AGO2: variants seen among roughly 807,000 people sequenced by gnomAD.
The protein encoded by AGO2 is protein argonaute-2.
Under a neutral mutation model 102.3 loss-of-function variants are expected in AGO2, and 5 were observed. The ratio of observed to expected loss-of-function variants is 0.05; its 90% confidence interval spans 0.03 to 0.10. The LOEUF (loss-of-function observed/expected upper bound fraction) is 0.10. Among genes scored for constraint, AGO2 ranks in the 10% least tolerant of loss-of-function variants. The pLI is 1.00. For synonymous variants in AGO2, 449 were observed against 473.1 expected, an observed-to-expected ratio of 0.95 and a Z score of 0.66; for missense variants, 541 against 1,183.7, an observed-to-expected ratio of 0.46 and a Z score of 7.97.
At chr8:140,635,022 G>A (rs112319981) in intron 1 of AGO2, among the ~76,000 whole-genome samples, 8 of 150,126 alleles carry the variant, frequency 5.3e-5, no homozygotes, top group African/African-American at 1.9e-4. Context: ...GCCTCCACCC[G>A]CTCAGGCGCT....
chr8:140,595,840 T>C lies in AGO2; in HGVS notation c.23-10529A>G, dbSNP rs1163120153. ...ATTATATTTATATTATATACAATTG[T>C]ATATATTATATTTATATTATATACA... On this transcript the variant is annotated intron_variant, in intron 1 of 18. Coordinates refer to ENST00000220592, the MANE Select transcript of AGO2 (RefSeq NM_012154.5). 9.0e-5 allele frequency among the ~76,000 whole-genome samples: 6 copies of C among 66,964 alleles called. No individual in the cohort carries two copies. In the East Asian group the frequency reaches 9.4e-4, roughly 11 times the overall value. The allele number at this position is 66,964 out of a possible 152,430, so 43.9% of individuals were successfully genotyped here. A position where few individuals can be genotyped will look rare whatever the true frequency, so the allele number is the denominator to read the frequency against.
chr8:140,598,961 C>G (rs55762429), intron 1 of AGO2, among the ~76,000 whole-genome samples: 59,364 of 151,998 alleles, frequency 0.39, 13,056 homozygotes, highest in Non-Finnish European at 0.5. Context: ...ACAACAGAGG[C>G]CACTTTCTCC....
At chr8:140,606,213 A>G (rs533005482) in intron 1 of AGO2, among the ~76,000 whole-genome samples, 1 of 152,326 alleles carries the variant, frequency 6.6e-6, no homozygotes, top group African/African-American at 2.4e-5. Flanking sequence ...GAAACCAAGT[A>G]GGTTCTGATG....
At position 140,597,474 on chromosome 8, in the gene AGO2, A is replaced by AC. The variant is rs1163320106; in HGVS notation, c.23-12164dup. Among the ~76,000 whole-genome samples the AC allele has an allele frequency of 4.9e-3, 222 of 45,182 alleles. 2 individuals are homozygous for AC. The highest frequency in any genetic ancestry group is 0.025 in the East Asian group (46 of 1,814). 29.6% of individuals were successfully genotyped at this position (45,182 alleles called of 152,430 possible). On this transcript the variant is annotated intron_variant, in intron 1 of 18. Transcript: ENST00000220592. ...CCGATGGGGGCTGGGTGGCCCCCCC[A>AC]CCCCCCCCCCCCCGCCCCAGGCCTC...
chr8:140,573,181 T>G (rs1210118329), intron 2 of AGO2, among the ~76,000 whole-genome samples: 1 of 151,946 alleles, frequency 6.6e-6, no homozygotes, highest in Non-Finnish European at 1.5e-5. Flanking sequence ...TTTTTCTTTT[T>G]TTTTTGAGAC....
In AGO2 at chr8:140,534,868, G is replaced by A. The variant is rs10098133; in HGVS notation, c.2271+600C>T. ...GGGAGGGGCAGCTCCTACCACGGACGTGGTGCTCCTGCTCCTGTCAGTGCT... is the reference window on the plus strand; with the variant it reads ...GGGAGGGGCAGCTCCTACCACGGACATGGTGCTCCTGCTCCTGTCAGTGCT... On this transcript the variant is annotated intron_variant, in intron 17 of 18. Transcript: ENST00000220592. 5.7e-3 allele frequency among the ~76,000 whole-genome samples: 868 copies of A among 152,314 alleles called. 11 individuals carry two copies. The highest frequency in any genetic ancestry group is 0.019 in the African/African-American group (810 of 41,578).
intron 16 of AGO2, among the ~76,000 whole-genome samples, chr8:140,536,629 T>C (rs1378777458): frequency 6.6e-6 from 1 of 152,222 alleles, no homozygotes; most frequent in East Asian, 1.9e-4. Context: ...CCGGCCCTAA[T>C]ATCTCTTTTC....
chr8:140,627,659 A>C (rs966321551), intron 1 of AGO2, among the ~76,000 whole-genome samples: 1 of 152,184 alleles, frequency 6.6e-6, no homozygotes. Flanking sequence ...TTTGGGATAT[A>C]GGTCCTTAAA....
At chr8:140,552,102 G>A (rs1244794642) in intron 10 of AGO2, among the ~76,000 whole-genome samples, 1 of 152,194 alleles carries the variant, frequency 6.6e-6, no homozygotes, top group Non-Finnish European at 1.5e-5. Flanking sequence ...TACAGGCCTT[G>A]CCATGCTACA....
At chr8:140,556,627 G>A (rs1172635226) in intron 8 of AGO2, among the ~76,000 whole-genome samples, 4 of 152,156 alleles carry the variant, frequency 2.6e-5, no homozygotes, top group South Asian at 4.1e-4. Flanking sequence ...CTGCAGGTGC[G>A]AAAGACGTCT....
chr8:140,532,324 G>C, intron 18 of AGO2, 92 bp downstream of exon 18: 9 of 1,481,140 alleles, frequency 6.1e-6, no homozygotes, highest in Non-Finnish European at 8.2e-6. Context: ...CAGCCGCTGG[G>C]GCCCTGCCCC....
intron 1 of AGO2, among the ~76,000 whole-genome samples, chr8:140,632,162 T>G (rs1364711930): frequency 6.6e-6 from 1 of 152,240 alleles, no homozygotes; most frequent in Admixed American, 6.5e-5. Flanking sequence ...TAATTCTGCT[T>G]CTTCAAATTG....
At position 140,525,616 on chromosome 8, in the gene AGO2, T is replaced by C. The variant is rs1413455628; in HGVS notation, c.*6428A>G. 6.6e-6 allele frequency: 1 copy of C among 152,156 alleles called. No individual in the cohort carries two copies. The highest frequency in any genetic ancestry group is 1.9e-4 in the East Asian group (1 of 5,188). 9.4% of individuals were successfully genotyped at this position (152,156 alleles called of 1,614,324 possible). A position where few individuals can be genotyped will look rare whatever the true frequency, so the allele number is the denominator to read the frequency against. ...AGGCAATTGCTTCCAGGTAGTGACG[T>C]AGTAGAACCGCCGGGGCCAAACTCA... On this transcript the variant is annotated 3_prime_UTR_variant, in exon 19 of 19. Coordinates refer to ENST00000220592, the MANE Select transcript of AGO2 (RefSeq NM_012154.5).
At chr8:140,603,618 C>T (rs1445699503) in intron 1 of AGO2, among the ~76,000 whole-genome samples, 1 of 152,218 alleles carries the variant, frequency 6.6e-6, no homozygotes, top group Non-Finnish European at 1.5e-5. Context: ...AGAGGTGGAG[C>T]CACGCACGTG....
At chr8:140,621,242 C>T (rs555743351) in intron 1 of AGO2, among the ~76,000 whole-genome samples, 1 of 152,328 alleles carries the variant, frequency 6.6e-6, no homozygotes, top group Non-Finnish European at 1.5e-5. Flanking sequence ...ATGATGATGG[C>T]CGTTCCCTGG....
chr8:140,542,391 G>C (rs187164286), intron 14 of AGO2, among the ~76,000 whole-genome samples: 1 of 152,050 alleles, frequency 6.6e-6, no homozygotes, highest in South Asian at 2.1e-4. Context: ...ACTATTCCAC[G>C]TCCTTTGTCC....
intron 1 of AGO2, among the ~76,000 whole-genome samples, chr8:140,609,073 G>C (rs927530913): frequency 1.3e-5 from 2 of 152,234 alleles, no homozygotes; most frequent in Non-Finnish European, 2.9e-5. Flanking sequence ...TGTGCCAGGG[G>C]CCTCAGCGGG....
rs546546545 is a variant in AGO2, at chr8:140,544,079, C to T, written c.1839+134G>A. 33 of 951,868 alleles carry T rather than the reference C, an allele frequency of 3.5e-5. No homozygotes were observed. The East Asian group carries it at 4.3e-4, about 12-fold the overall frequency. The allele number at this position is 951,868 out of a possible 1,614,324, so 59.0% of individuals were successfully genotyped here. A position where few individuals can be genotyped will look rare whatever the true frequency, so the allele number is the denominator to read the frequency against. On this transcript the variant is annotated intron_variant, in intron 14 of 18. Coordinates refer to ENST00000220592, the MANE Select transcript of AGO2 (RefSeq NM_012154.5). The stretch of plus-strand genomic sequence containing the variant: ...CAGACACCTCTCTCCCACAAGACCC[C>T]GGCCGTCCCTACCGCAGCTTAGTGA...
intron 12 of AGO2, among the ~76,000 whole-genome samples, chr8:140,548,395 G>A (rs2072939300): frequency 6.6e-6 from 1 of 151,764 alleles, no homozygotes; most frequent in South Asian, 2.1e-4. Context: ...AAATGCTTGG[G>A]TGGTTAAAAA....
Sources: gnomAD v4.1 joint callset for allele counts (sites outside exome capture counted in the v4.1 genomes callset) on GRCh38, gnomAD v4.1.1 for gene constraint, MANE v1.5 for transcripts, NCBI Gene and HGNC (gene_info 2026-07-23, HGNC 2026-07-21) for gene names.